The following ERG variants were observed in gnomAD, a reference collection of about 807,000 sequenced individuals.
ERG encodes the protein transcriptional regulator ERG.
ERG carries 9 observed loss-of-function variants against 55.3 expected under a neutral mutation model. The observed-to-expected ratio is 0.16, with a 90% CI of 0.10 to 0.28. The LOEUF is 0.28. Among genes scored for constraint, ERG ranks in the 10% least tolerant of loss-of-function variants. ERG has a pLI of 1.00. For missense variants in ERG, 434 were observed against 631.6 expected (o/e 0.69, Z 3.35); for synonymous variants, 223 against 237.3 (o/e 0.94, Z 0.55).
At chr21:38,567,594 C>T (rs761957867) in intron 2 of ERG, among the ~76,000 whole-genome samples, 5 of 152,202 alleles carry the variant, frequency 3.3e-5, no homozygotes, top group Non-Finnish European at 5.9e-5. Flanking sequence ...CGGGGGAACT[C>T]TGTCTCTTTT....
intron 1 of ERG, among the ~76,000 whole-genome samples, chr21:38,640,539 C>T (rs539239089): frequency 6.6e-6 from 1 of 152,260 alleles, no homozygotes; most frequent in South Asian, 2.1e-4. Flanking sequence ...GTTCTTGTGG[C>T]AGTGAATAAG....
At chr21:38,624,653 C>T (rs55651068) in intron 1 of ERG, among the ~76,000 whole-genome samples, 19,305 of 152,130 alleles carry the variant, frequency 0.13, 1,588 homozygotes, top group East Asian at 0.3. Context: ...AATCTCAGCA[C>T]CGCTCACTGG....
chr21:38,557,072 T>C (rs558354055), intron 2 of ERG, among the ~76,000 whole-genome samples: 3 of 152,130 alleles, frequency 2.0e-5, no homozygotes, highest in African/African-American at 7.2e-5. Context: ...TGTGGGACTC[T>C]CCACTGAACT....
At chr21:38,482,492 G>A (rs1029744219) in intron 1 of ERG, among the ~76,000 whole-genome samples, 1 of 152,118 alleles carries the variant, frequency 6.6e-6, no homozygotes, top group Admixed American at 6.5e-5. Context: ...CCTACCATAT[G>A]ACCCAGCAAT....
At chr21:38,395,049 CTT>C (rs1988144468) in intron 6 of ERG, among the ~76,000 whole-genome samples, 1 of 152,180 alleles carries the variant, frequency 6.6e-6, no homozygotes, top group African/African-American at 2.4e-5. Context: ...TAAGTCGAAA[CTT>C]AACACCAAAC....
intron 2 of ERG, among the ~76,000 whole-genome samples, chr21:38,505,518 G>A (rs1007389270): frequency 6.6e-6 from 1 of 152,216 alleles, no homozygotes; most frequent in African/African-American, 2.4e-5. Flanking sequence ...GATGATATCA[G>A]TAAATTTGTT....
chr21:38,468,982 C>CAAAAAAAAAAAAAAAAAAAAAA (rs1261630693), intron 1 of ERG, among the ~76,000 whole-genome samples: 8 of 29,014 alleles, frequency 2.8e-4, no homozygotes, highest in Non-Finnish European at 4.7e-4. Flanking sequence ...GACTCTGTCT[C>CAAAAAAAAAAAAAAAAAAAAAA]AAAAAAAAAA....
intron 9 of ERG, among the ~76,000 whole-genome samples, chr21:38,387,573 A>C (rs1360641862): frequency 6.6e-6 from 1 of 152,196 alleles, no homozygotes; most frequent in Non-Finnish European, 1.5e-5. Flanking sequence ...ATCTTGCAAG[A>C]TCATGGTAAG....
At chr21:38,619,222 A>G (rs16996589) in intron 1 of ERG, among the ~76,000 whole-genome samples, 9,969 of 152,272 alleles carry the variant, frequency 0.065, 602 homozygotes, top group African/African-American at 0.16. Flanking sequence ...TTCATAAGTC[A>G]ATGGAGTCTA....
At chr21:38,630,153 T>C (rs59304931) in intron 1 of ERG, among the ~76,000 whole-genome samples, 26,565 of 152,052 alleles carry the variant, frequency 0.17, 2,408 homozygotes, top group East Asian at 0.29. Flanking sequence ...TTTTGGGGGA[T>C]GATGATTTTT....
intron 2 of ERG, among the ~76,000 whole-genome samples, chr21:38,548,862 G>A (rs2059805490): frequency 6.6e-6 from 1 of 150,794 alleles, no homozygotes; most frequent in Non-Finnish European, 1.5e-5. Context: ...TGTAATCCCA[G>A]CACTTTGGGA....
At chr21:38,649,061 A>C (rs2060473531) in intron 1 of ERG, among the ~76,000 whole-genome samples, 1 of 152,166 alleles carries the variant, frequency 6.6e-6, no homozygotes, top group Non-Finnish European at 1.5e-5. Flanking sequence ...TCTCTATAAC[A>C]TATGAAAACT....
chr21:38,655,714 A>G (rs909704866), intron 1 of ERG, among the ~76,000 whole-genome samples: 1 of 152,196 alleles, frequency 6.6e-6, no homozygotes, highest in African/African-American at 2.4e-5. Flanking sequence ...CACTGTAACC[A>G]TGAAACTGTC....
chr21:38,400,737 A>C (rs1359564377), intron 5 of ERG, 92 bp from the exon 6 acceptor site: 1 of 976,768 alleles, frequency 1.0e-6, no homozygotes, highest in Non-Finnish European at 1.6e-6. Context: ...CCCTATGACA[A>C]CAAAGGGAAG....
chr21:38,444,725 G>GGA (rs1555900347), intron 2 of ERG, among the ~76,000 whole-genome samples: 1 of 77,234 alleles, frequency 1.3e-5, no homozygotes, highest in Non-Finnish European at 2.8e-5. Flanking sequence ...GCTAAGAGGA[G>GGA]GAAAAAAAAA....
chr21:38,475,776 C>T (rs1273223868), intron 1 of ERG, among the ~76,000 whole-genome samples: 1 of 152,128 alleles, frequency 6.6e-6, no homozygotes, highest in Admixed American at 6.5e-5. Flanking sequence ...CAGTCTCCCC[C>T]ATCTGCATCC....
At chr21:38,586,375 C>T (rs1261843881), upstream of ERG, among the ~76,000 whole-genome samples, 1 of 151,930 alleles carries the variant, frequency 6.6e-6, no homozygotes, top group African/African-American at 2.4e-5. Context: ...GTCAATAGAT[C>T]ATAGGTCTAT....
At chr21:38,422,181 G>C (rs1283822359) in intron 3 of ERG, among the ~76,000 whole-genome samples, 1 of 152,228 alleles carries the variant, frequency 6.6e-6, no homozygotes, top group Non-Finnish European at 1.5e-5. Flanking sequence ...ACATTGGCAC[G>C]GATACTTGGT....
chr21:38,436,212 T>A (rs1184890692), intron 2 of ERG, among the ~76,000 whole-genome samples: 2 of 152,072 alleles, frequency 1.3e-5, no homozygotes, highest in Non-Finnish European at 2.9e-5. Context: ...GGTTTCACCA[T>A]GTTGGCCAGG....
Sources: gnomAD v4.1 joint callset for allele counts (sites outside exome capture counted in the v4.1 genomes callset) on GRCh38, gnomAD v4.1.1 for gene constraint, MANE v1.5 for transcripts, NCBI Gene and HGNC (gene_info 2026-07-23, HGNC 2026-07-21) for gene names.